The following RIC3 variants were observed in gnomAD, a reference collection of about 807,000 sequenced individuals.
The protein encoded by RIC3 is RIC3 acetylcholine receptor chaperone, also known as protein RIC-3.
Under a neutral mutation model 27.3 loss-of-function variants are expected in RIC3, and 28 were observed. The observed-to-expected ratio is 1.02, with a 90% confidence interval of 0.76 to 1.41. The LOEUF (loss-of-function observed/expected upper bound fraction) is 1.41, where lower values mean the gene tolerates loss of function less well. Among genes scored for constraint, RIC3 ranks in the 40% most tolerant of loss-of-function variants. The pLI, the probability that RIC3 is intolerant of heterozygous loss-of-function variation, is 0.00. For synonymous variants in RIC3, 184 were observed against 160.4 expected (o/e 1.15, Z -1.11); for missense variants, 501 against 444.7 (o/e 1.13, Z -1.14).
At chr11:8,093,905 G>A in the RIC3 span, 2 of 927,502 alleles carry the variant, frequency 2.2e-6, no homozygotes, top group Non-Finnish European at 3.3e-6. Context: ...TGATCCTGTG[G>A]GCTGTAGAAG....
In RIC3 at chr11:8,141,808, C is replaced by A. The variant is rs551444422; in HGVS notation, c.125-1615G>T. Among the ~76,000 whole-genome samples the A allele has an allele frequency of 6.2e-3, 939 of 152,212 alleles. 20 individuals carry two copies. The highest frequency in any genetic ancestry group is 0.05 in the Admixed American group (768 of 15,278). On this transcript the variant is annotated intron_variant, in intron 1 of 5. Transcript: ENST00000309737. ...GCTCTCCTCAGCAAATGTAAAAGAA[C>A]AGAGATTATAACAAACTCTCTCAGA...
chr11:8,149,325 T>C (rs550763756), intron 1 of RIC3, among the ~76,000 whole-genome samples: 18 of 152,076 alleles, frequency 1.2e-4, no homozygotes, highest in African/African-American at 3.9e-4. Flanking sequence ...ACTGTGTATA[T>C]GAGATTGAGA....
At position 8,111,025 on chromosome 11, in the gene RIC3, T is replaced by A. The variant is rs775380860; in HGVS notation, c.783A>T (p.Ile261=). Residue 261 remains isoleucine, a synonymous_variant, in exon 6 of 6, where the codon ATA becomes ATT. Coordinates refer to ENST00000309737, the MANE Select transcript of RIC3 (RefSeq NM_001206671.4). ...PDPKELSAEE[I]AERMGMIEEE... ...CTTCTATCATTCCCATTCTTTCAGC[T>A]ATTTCTTCAGCAGAAAGTTCTTTTG... 6.2e-6 allele frequency: 10 copies of A among 1,614,238 alleles called. No individual in the cohort carries two copies. Among genetic ancestry groups the A allele is most frequent in the Non-Finnish European group, 8.5e-6 (10 of 1,180,028 alleles).
chr11:8,158,077 C>CAT (rs1950831953), intron 1 of RIC3, among the ~76,000 whole-genome samples: 2 of 152,152 alleles, frequency 1.3e-5, no homozygotes, highest in African/African-American at 4.8e-5. Context: ...CAGGCACTTA[C>CAT]ATACCAACAC....
chr11:8,130,326 C>T (rs750309076), intron 4 of RIC3, among the ~76,000 whole-genome samples: 2 of 152,192 alleles, frequency 1.3e-5, no homozygotes, highest in Non-Finnish European at 2.9e-5. Context: ...GAACTGAATA[C>T]TTTTGACATT....
intron 5 of RIC3, among the ~76,000 whole-genome samples, chr11:8,120,969 T>C (rs1220410528): frequency 1.3e-5 from 2 of 152,242 alleles, no homozygotes; most frequent in South Asian, 2.1e-4. Flanking sequence ...CAGTACACAA[T>C]ACTATATGGG....
At chr11:8,100,678 C>T in the RIC3 span, 1 of 1,526,820 alleles carries the variant, frequency 6.5e-7, no homozygotes, top group Non-Finnish European at 9.0e-7. Flanking sequence ...AGAACTCCAG[C>T]TGATGTGTGT....
intron 1 of RIC3, among the ~76,000 whole-genome samples, chr11:8,151,740 C>T (rs1301042223): frequency 6.6e-6 from 1 of 151,422 alleles, no homozygotes; most frequent in Non-Finnish European, 1.5e-5. Flanking sequence ...ATGGTGAAAC[C>T]TCGTCTCTAC....
At position 8,137,403 on chromosome 11, in the gene RIC3, T is replaced by A; in HGVS notation, c.496A>T (p.Asn166Tyr). The change falls in exon 4 of 6, where the codon AAC (asparagine) becomes TAC (tyrosine). Residue 166 changes from asparagine (N) to tyrosine (Y), a missense_variant. Physicochemically the swap from Asn to Tyr is moderately radical, Grantham distance 143. Transcript: ENST00000309737. ...CTCTCACCATTAGGTCCCACTCTGT[T>A]GATTAATTTTTCCATGGCTGCTTCT... is the stretch of plus-strand genomic sequence containing the variant. ...ETEAAMEKLI[N>Y]RVGPNGESRA... 1 of 1,614,090 alleles carries A rather than the reference T, an allele frequency of 6.2e-7. No individual in the cohort carries two copies. Among genetic ancestry groups the A allele is most frequent in the Non-Finnish European group, 8.5e-7 (1 of 1,180,000 alleles).
intron 1 of RIC3, among the ~76,000 whole-genome samples, chr11:8,145,211 A>AC (rs1384697363): frequency 7.3e-5 from 11 of 151,276 alleles, no homozygotes; most frequent in Admixed American, 2.0e-4. Context: ...TTAAAAAAAA[A>AC]AAAGAAAGAA....
At chr11:8,132,939 G>A (rs899517931) in intron 4 of RIC3, among the ~76,000 whole-genome samples, 5 of 152,122 alleles carry the variant, frequency 3.3e-5, no homozygotes, top group Middle Eastern at 3.2e-3. Context: ...AGTATAAAAG[G>A]GAAAACATGT....
At chr11:8,124,107 G>A (rs1010856989) in intron 5 of RIC3, among the ~76,000 whole-genome samples, 21 of 145,904 alleles carry the variant, frequency 1.4e-4, no homozygotes, top group Middle Eastern at 7.0e-3. Context: ...AAGAAAAAGA[G>A]AAAGCAAGCA....
chr11:8,119,762 T>C (rs1380609192), intron 5 of RIC3, among the ~76,000 whole-genome samples: 1 of 152,160 alleles, frequency 6.6e-6, no homozygotes, highest in Non-Finnish European at 1.5e-5. Context: ...ACAGGCAACC[T>C]ACAGAATGGG....
rs1378898682 is a variant in RIC3, at chr11:8,135,356, A to G, written c.521+2022T>C. On this transcript the variant is annotated intron_variant, in intron 4 of 5. Transcript: ENST00000309737. ...CATTGGTCTATATCTCTGTTTTGGTACCAGTACCATGCTGTTTTGGTTACT... is the reference window on the plus strand; with the variant it reads ...CATTGGTCTATATCTCTGTTTTGGTGCCAGTACCATGCTGTTTTGGTTACT... 2.6e-5 allele frequency among the ~76,000 whole-genome samples: 4 copies of G among 152,120 alleles called. No individual in the cohort carries two copies. The East Asian group carries it at 7.7e-4, about 29-fold the overall frequency.
At chr11:8,164,204 A>C (rs1951459964) in intron 1 of RIC3, among the ~76,000 whole-genome samples, 1 of 152,202 alleles carries the variant, frequency 6.6e-6, no homozygotes, top group Admixed American at 6.5e-5. Flanking sequence ...CAAAGACTTA[A>C]CTGCAGGAGC....
intron 5 of RIC3, among the ~76,000 whole-genome samples, chr11:8,126,439 G>A (rs75934505): frequency 0.028 from 4,207 of 152,276 alleles, 192 homozygotes; most frequent in African/African-American, 0.096. Flanking sequence ...TAGCTACAAA[G>A]GGGGAGCTTT....
In RIC3 at chr11:8,140,017, G is replaced by A. The variant is rs144806410; in HGVS notation, c.301C>T (p.Pro101Ser). 4,513 of 1,614,006 alleles carry A rather than the reference G, an allele frequency of 2.8e-3. 10 individuals carry two copies. The highest frequency in any genetic ancestry group is 3.6e-3 in the Middle Eastern group (22 of 6,060). ...AAAAAAATCCCAAAACCGTAGATTGGAATAATCTGCCCCATCAGACCTCTT... is the reference window on the plus strand; with the variant it reads ...AAAAAAATCCCAAAACCGTAGATTGAAATAATCTGCCCCATCAGACCTCTT... Reference protein sequence around the residue: ...SGRGLMGQIIPIYGFGIFLYI... With the variant: ...SGRGLMGQIISIYGFGIFLYI... Residue 101 changes from proline (P) to serine (S), a missense_variant, in exon 2 of 6, where the codon CCA becomes TCA. Transcript: ENST00000309737.
chr11:8,106,898 G>A lies in RIC3; in HGVS notation c.*3800C>T, dbSNP rs2133972352. Reference sequence around the variant, plus strand: ...CAGGTGTGACATCTCAGCAACACTGGACTTGACAGAGTGGTGACAGGGATC... The same window carrying A: ...CAGGTGTGACATCTCAGCAACACTGAACTTGACAGAGTGGTGACAGGGATC... On this transcript the variant is annotated 3_prime_UTR_variant, in exon 6 of 6. Coordinates refer to ENST00000309737, the MANE Select transcript of RIC3 (RefSeq NM_001206671.4). The A allele has an allele frequency of 6.6e-6, 1 of 152,300 alleles. No individual in the cohort carries two copies. The highest frequency in any genetic ancestry group is 2.4e-5 in the African/African-American group (1 of 41,560). 9.4% of individuals were successfully genotyped at this position (152,300 alleles called of 1,614,324 possible). A position where few individuals can be genotyped will look rare whatever the true frequency, so the allele number is the denominator to read the frequency against.
chr11:8,160,854 AAAG>A lies in RIC3; in HGVS notation c.124+8009_124+8011del, dbSNP rs1260213055. Among the ~76,000 whole-genome samples, 8 of 152,372 alleles carry A rather than the reference AAAG, an allele frequency of 5.3e-5. No homozygotes were observed. The East Asian group carries it at 1.2e-3, about 22-fold the overall frequency. ...AGGGAGCTAGGGATGTTAACACAGG[AAAG>A]AAGACTGAAGAAAGGGACATAATAC... On this transcript the variant is annotated intron_variant, in intron 1 of 5. Coordinates refer to ENST00000309737, the MANE Select transcript of RIC3 (RefSeq NM_001206671.4).
Sources: allele counts gnomAD v4.1 joint callset (sites outside exome capture counted in the v4.1 genomes callset), GRCh38; gene constraint gnomAD v4.1.1; transcripts MANE v1.5; gene names NCBI Gene and HGNC (gene_info 2026-07-23, HGNC 2026-07-21).